SNAPC4: variants seen among roughly 807,000 people sequenced by gnomAD.
SNAPC4 encodes small nuclear RNA activating complex polypeptide 4.
In SNAPC4, 127 loss-of-function variants were observed where a neutral mutation model predicts 151.3. The observed-to-expected ratio is 0.84, with a 90% CI of 0.73 to 0.97. SNAPC4 has a LOEUF of 0.97. Among genes scored for constraint, SNAPC4 ranks in the 50% least tolerant of loss-of-function variants. The pLI, the probability that SNAPC4 is intolerant of heterozygous loss-of-function variation, is 0.00. For missense variants in SNAPC4, 2,186 were observed against 1,935.0 expected (o/e 1.13, Z -2.43); for synonymous variants, 1,002 against 824.4 (o/e 1.22, Z -3.69).
At chr9:136,391,229 G>A (rs1834062905) in intron 10 of SNAPC4, among the ~76,000 whole-genome samples, 1 of 152,140 alleles carries the variant, frequency 6.6e-6, no homozygotes, top group Admixed American at 6.5e-5. Flanking sequence ...AACAGTTTTG[G>A]CAAGTTTAGC....
chr9:136,400,077 G>T (rs1347296411), intron 1 of SNAPC4, 57 bp downstream of exon 1: 2 of 152,134 alleles, frequency 1.3e-5, no homozygotes, highest in Admixed American at 1.3e-4. Flanking sequence ...CCTCCACGGG[G>T]AGAGCCCTGA....
At chr9:136,381,667 C>T (rs1329948945) in intron 18 of SNAPC4, among the ~76,000 whole-genome samples, 157 bp downstream of exon 18, 1 of 152,164 alleles carries the variant, frequency 6.6e-6, no homozygotes, top group Non-Finnish European at 1.5e-5. Context: ...TCCTGGAAAC[C>T]TTCAGGGACG....
intron 20 of SNAPC4, 29 bp from the exon 21 acceptor site, chr9:136,379,893 G>A (rs1833626227): frequency 4.4e-6 from 7 of 1,607,594 alleles, no homozygotes; most frequent in African/African-American, 4.0e-5. Context: ...AGAGTCAGCA[G>A]CTCAGGTGTC....
chr9:136,397,315 G>C (rs1834307071), intron 2 of SNAPC4, among the ~76,000 whole-genome samples: 1 of 152,052 alleles, frequency 6.6e-6, no homozygotes, highest in Admixed American at 6.5e-5. Flanking sequence ...TGGAGAGACA[G>C]GGAAAGTTTA....
chr9:136,395,781 G>A lies in SNAPC4; in HGVS notation c.178-11C>T. The stretch of plus-strand genomic sequence containing the variant: ...CCACCTTTCTTCTTCCTGGTAACGA[G>A]CCAGAAATGGCATGTGACGAGATGA... On this transcript the variant is annotated splice_polypyrimidine_tract_variant and intron_variant, in intron 3 of 23. Transcript: ENST00000684778. The A allele has an allele frequency of 6.2e-7, 1 of 1,607,172 alleles. No individual in the cohort carries two copies. Among genetic ancestry groups the A allele is most frequent in the Non-Finnish European group, 8.5e-7 (1 of 1,175,302 alleles).
intron 23 of SNAPC4, 46 bp downstream of exon 23, chr9:136,376,303 C>T (rs1833442365): frequency 1.2e-6 from 2 of 1,603,842 alleles, no homozygotes; most frequent in East Asian, 4.5e-5. Flanking sequence ...GGACACCACT[C>T]TGTCCCCTGG....
rs1448353544 is a variant in SNAPC4 at position 136,376,476 on chromosome 9, G to A, written c.4290C>T (p.Ala1430=). 1.2e-6 allele frequency: 2 copies of A among 1,613,144 alleles called. No homozygotes were observed. Among genetic ancestry groups the A allele is most frequent in the East Asian group, 2.2e-5 (1 of 44,870 alleles). ...AAGCAGAGCATTTACCAGAGTCTGG[G>A]GCTCCCTGAAAGAAAATCCAGGCAG... The part of the protein sequence containing the change: ...CTTATCPIQG[A]PDSGKCSASS... Residue 1430 remains alanine (A), a synonymous_variant, in exon 23 of 24, where the codon GCC becomes GCT. Transcript: ENST00000684778.
intron 6 of SNAPC4, 100 bp from the exon 7 acceptor site, chr9:136,394,430 C>T (rs1030826208): frequency 9.8e-6 from 10 of 1,016,994 alleles, no homozygotes; most frequent in African/African-American, 1.6e-5. Context: ...GTGGGGGGCC[C>T]CACAGCGAGT....
At chr9:136,392,215 G>T in intron 9 of SNAPC4, 109 bp from the exon 10 acceptor site, 2 of 1,334,190 alleles carry the variant, frequency 1.5e-6, no homozygotes, top group Non-Finnish European at 2.1e-6. Flanking sequence ...TTCCACGGCT[G>T]CAAGTAAGCG....
chr9:136,384,047 C>G lies in SNAPC4; in HGVS notation c.1421-15G>C. ...TGCCCAGTGACCTGCAAAAGCCAAA[C>G]CCCATGGAAATGCCTTCATCCAAAG... On this transcript the variant is annotated splice_polypyrimidine_tract_variant and intron_variant, in intron 14 of 23. Transcript: ENST00000684778. The G allele has an allele frequency of 6.2e-7, 1 of 1,610,574 alleles. No homozygotes were observed. The highest frequency in any genetic ancestry group is 1.1e-5 in the South Asian group (1 of 90,818).
chr9:136,391,976 T>C lies in SNAPC4; in HGVS notation c.941A>G (p.His314Arg). The change falls in exon 10 of 24, where the codon CAC (histidine) becomes CGC (arginine). Residue 314 changes from histidine (H) to arginine (R), a missense_variant. Transcript: ENST00000684778. ...RLQAIAAAHG[H>R]LEWQKIAEEL... is the part of the protein sequence containing the mutation. ...CTCTGCAATCTTCTGCCACTCCAGG[T>C]GGCCGTGTGCAGCCGCGATCGCCTG... 5 of 1,607,104 alleles carry C rather than the reference T, an allele frequency of 3.1e-6. No homozygotes were observed. The highest frequency in any genetic ancestry group is 3.4e-6 in the Non-Finnish European group (4 of 1,179,972).
intron 7 of SNAPC4, among the ~76,000 whole-genome samples, chr9:136,393,278 G>A (rs113649245): frequency 4.6e-5 from 7 of 152,194 alleles, no homozygotes; most frequent in Admixed American, 1.3e-4. Flanking sequence ...GGCGGGACCC[G>A]GGACCCCTGG....
At chr9:136,398,201 C>T in intron 2 of SNAPC4, 98 bp downstream of exon 2, 1 of 1,337,322 alleles carries the variant, frequency 7.5e-7, no homozygotes, top group South Asian at 1.4e-5. Context: ...AGAAACCACA[C>T]CCGGCTACCA....
rs1833600657 is a variant in SNAPC4 at position 136,379,250 on chromosome 9, G to C, written c.2577C>G (p.Ser859Arg). Reference sequence around the variant, plus strand: ...ACGCCAGTCTTCGGCTCCCTTTGTGGCTGGCACTCTTTGAGGCTTCTTGAG... The same window carrying C: ...ACGCCAGTCTTCGGCTCCCTTTGTGCCTGGCACTCTTTGAGGCTTCTTGAG... ...VPAQEASKSA[S>R]HKGSRRLASS... Residue 859 changes from serine to arginine, a missense_variant, in exon 22 of 24, where the codon AGC (serine) becomes AGG (arginine). Transcript: ENST00000684778. 1 of 1,612,512 alleles carries C rather than the reference G, an allele frequency of 6.2e-7. No individual in the cohort carries two copies. Among genetic ancestry groups the C allele is most frequent in the African/African-American group, 1.3e-5 (1 of 74,944 alleles).
chr9:136,392,470 A>G, intron 9 of SNAPC4, 52 bp downstream of exon 9: 9 of 1,554,490 alleles, frequency 5.8e-6, no homozygotes, highest in Non-Finnish European at 8.0e-6. Flanking sequence ...CACCCGGGCT[A>G]CAGGGAGCTG....
intron 3 of SNAPC4, 115 bp downstream of exon 3, chr9:136,396,862 A>AT: frequency 1.2e-6 from 1 of 804,578 alleles, no homozygotes; most frequent in East Asian, 2.5e-5. Context: ...AACGTGAATC[A>AT]TTTTTATAAT....
At chr9:136,386,123 C>A (rs540620123) in intron 13 of SNAPC4, among the ~76,000 whole-genome samples, 2 of 151,086 alleles carry the variant, frequency 1.3e-5, no homozygotes, top group Admixed American at 1.3e-4. Context: ...TTCAATTTCT[C>A]GACATCCTTG....
At chr9:136,385,595 G>A (rs747264464) in intron 13 of SNAPC4, among the ~76,000 whole-genome samples, 2 of 150,566 alleles carry the variant, frequency 1.3e-5, no homozygotes, top group African/African-American at 4.9e-5. Context: ...GCTCACTGTC[G>A]CCCAGGCTGG....
At chr9:136,392,821 GC>G (rs1834128697) in intron 7 of SNAPC4, 44 bp from the exon 8 acceptor site, 6 of 1,520,696 alleles carry the variant, frequency 3.9e-6, no homozygotes, top group Middle Eastern at 3.6e-4. Context: ...CACGAGGGCT[GC>G]GGGGCGGGGC....
Sources: gnomAD v4.1 joint callset for allele counts (sites outside exome capture counted in the v4.1 genomes callset) on GRCh38, gnomAD v4.1.1 for gene constraint, MANE v1.5 for transcripts, NCBI Gene and HGNC (gene_info 2026-07-23, HGNC 2026-07-21) for gene names.